The following TTC23L variants were observed in gnomAD, a reference collection of about 807,000 sequenced individuals.
TTC23L encodes tetratricopeptide repeat domain 23 like, also known as tetratricopeptide repeat protein 23-like.
A neutral mutation model predicts 48.1 loss-of-function variants in TTC23L; 42 were observed. That is an observed-to-expected ratio of 0.87 (90% CI 0.68 to 1.13). The LOEUF is 1.13. Ranked by LOEUF, TTC23L falls within the 50% of genes most tolerant of loss-of-function variation. The probability of loss-of-function intolerance (pLI) is 0.00; values close to 1 mark genes in which losing one functional copy is unlikely to be tolerated. For missense variants in TTC23L, 391 were observed against 421.0 expected, an observed-to-expected ratio of 0.93 and a Z score of 0.62; for synonymous variants, 159 against 157.2, an observed-to-expected ratio of 1.01 and a Z score of -0.09.
In TTC23L at chr5:34,853,025, A is replaced by T. The variant is rs142527596; in HGVS notation, c.379+2717A>T. On this transcript the variant is annotated intron_variant, in intron 4 of 10. Coordinates refer to ENST00000505624, the Ensembl canonical transcript of TTC23L. Reference sequence around the variant, plus strand: ...TGTGATTGAATTACCTCCCACTGGGACCCTCCCATGACACGTGGGGATTAT... The same window carrying T: ...TGTGATTGAATTACCTCCCACTGGGTCCCTCCCATGACACGTGGGGATTAT... Among the ~76,000 whole-genome samples the T allele has an allele frequency of 9.5e-3, 1,447 of 152,084 alleles. 23 individuals are homozygous for T. The highest frequency in any genetic ancestry group is 0.034 in the African/African-American group (1,403 of 41,484).
chr5:34,909,369 A>T, the TTC23L span: 1 of 1,530,364 alleles, frequency 6.5e-7, no homozygotes, highest in Non-Finnish European at 9.0e-7. Context: ...ATAGAAAATG[A>T]TTACCTCATT....
the TTC23L span, chr5:34,914,939 C>A: frequency 6.2e-7 from 1 of 1,603,810 alleles, no homozygotes. Flanking sequence ...GGGCCAACAA[C>A]TTCTCGGCGG....
At chr5:34,877,726 C>T (rs1330099813) in intron 8 of TTC23L, among the ~76,000 whole-genome samples, 2 of 152,096 alleles carry the variant, frequency 1.3e-5, no homozygotes, top group East Asian at 1.9e-4. Context: ...GCCCAGCCAA[C>T]ACCATTATTC....
intron 8 of TTC23L, among the ~76,000 whole-genome samples, chr5:34,878,651 G>A (rs575300683): frequency 6.6e-6 from 1 of 152,306 alleles, no homozygotes; most frequent in East Asian, 1.9e-4. Context: ...TCATCTTACT[G>A]TAGTCACAGT....
the TTC23L span, chr5:34,923,140 G>A: frequency 2.5e-6 from 4 of 1,612,844 alleles, no homozygotes; most frequent in African/African-American, 2.7e-5. Context: ...TAGATCTTTA[G>A]TACACCACGG....
chr5:34,871,684 G>A (rs993224438), intron 8 of TTC23L, among the ~76,000 whole-genome samples: 1 of 152,150 alleles, frequency 6.6e-6, no homozygotes, highest in Non-Finnish European at 1.5e-5. Flanking sequence ...GTGGTATATT[G>A]GTGGAGGGAC....
At chr5:34,925,330 A>T in the TTC23L span, 1 of 1,613,884 alleles carries the variant, frequency 6.2e-7, no homozygotes, top group Non-Finnish European at 8.5e-7. Flanking sequence ...CTCTTCTTCC[A>T]CATGATCCCA....
chr5:34,912,163 G>A, the TTC23L span, among the ~76,000 whole-genome samples: 1 of 152,200 alleles, frequency 6.6e-6, no homozygotes, highest in Non-Finnish European at 1.5e-5. Flanking sequence ...CTGCAGAACA[G>A]GGTATGCTAT....
chr5:34,869,169 A>T (rs1761269884), intron 8 of TTC23L, 156 bp downstream of exon 8: 1 of 587,646 alleles, frequency 1.7e-6, no homozygotes, highest in South Asian at 2.0e-5. Flanking sequence ...ACATTAATTT[A>T]AACCTGATAA....
At position 34,863,077 on chromosome 5, in the gene TTC23L, G is replaced by T. The variant is rs753393310; in HGVS notation, c.536+23G>T. The T allele has an allele frequency of 6.2e-7, 1 of 1,613,186 alleles. No homozygotes were observed. Among genetic ancestry groups the T allele is most frequent in the Non-Finnish European group, 8.5e-7 (1 of 1,179,388 alleles). ...CCGATATCCTTCCATTCCTAGCTGC[G>T]TTTAGTGTTCGGGGCCACAGGCCAC... is the stretch of plus-strand genomic sequence containing the variant. On this transcript the variant is annotated intron_variant, in intron 5 of 10. Coordinates refer to ENST00000505624, the Ensembl canonical transcript of TTC23L. The surrounding 1 kb of genome is among the most constrained non-coding windows in gnomAD (Gnocchi z 4.1).
exon 7 of TTC23L, chr5:34,867,016 C>G: frequency 1.2e-6 from 2 of 1,612,002 alleles, no homozygotes; most frequent in Non-Finnish European, 1.7e-6. Context: ...GGAAGCTGCT[C>G]AGATAGAGCA....
intron 3 of TTC23L, among the ~76,000 whole-genome samples, chr5:34,848,812 C>T (rs1443955279): frequency 6.6e-6 from 1 of 152,012 alleles, no homozygotes. Context: ...AGGTGATTGG[C>T]ATTGGGTCAG....
chr5:34,890,815 C>G (rs760176042), intron 9 of TTC23L, among the ~76,000 whole-genome samples: 2 of 152,098 alleles, frequency 1.3e-5, no homozygotes, highest in Admixed American at 6.6e-5. Flanking sequence ...CTGTGTTGCC[C>G]GGGCTGGTCC....
chr5:34,872,077 A>T (rs1479477780), intron 8 of TTC23L, among the ~76,000 whole-genome samples: 2 of 151,912 alleles, frequency 1.3e-5, no homozygotes, highest in Non-Finnish European at 2.9e-5. Flanking sequence ...CAGGAATTTT[A>T]TACTGGCTTG....
intron 4 of TTC23L, among the ~76,000 whole-genome samples, chr5:34,852,557 A>T (rs1014708659): frequency 3.9e-5 from 6 of 152,160 alleles, no homozygotes; most frequent in Admixed American, 1.3e-4. Flanking sequence ...CCCAGATGAG[A>T]GTCGATGAGG....
At chr5:34,840,238 G>T (rs1308464406) in intron 1 of TTC23L, among the ~76,000 whole-genome samples, 1 of 31,990 alleles carries the variant, frequency 3.1e-5, no homozygotes, top group Non-Finnish European at 7.2e-5. Flanking sequence ...AAATGACCCC[G>T]GGGGGGGGGG....
chr5:34,840,723 G>A (rs1224966865), exon 2 of TTC23L: 1 of 1,613,776 alleles, frequency 6.2e-7, no homozygotes, highest in Non-Finnish European at 8.5e-7. Flanking sequence ...CATCGACTGG[G>A]ATTTCTGCTT....
intron 9 of TTC23L, among the ~76,000 whole-genome samples, chr5:34,887,957 T>C (rs558272526): frequency 9.3e-4 from 142 of 152,366 alleles, no homozygotes; most frequent in African/African-American, 3.3e-3. Flanking sequence ...TTTGTTGGCA[T>C]GTGCAGTAGA....
chr5:34,920,015 A>G, the TTC23L span: 8 of 491,874 alleles, frequency 1.6e-5, no homozygotes, highest in Non-Finnish European at 2.6e-5. Context: ...TAACTCTTCA[A>G]TAACTGGTCT....
Sources: gnomAD v4.1 joint callset for allele counts (sites outside exome capture counted in the v4.1 genomes callset) on GRCh38, gnomAD v4.1.1 for gene constraint, Gnocchi (gnomAD v3.1) non-coding constraint, MANE v1.5 for transcripts, NCBI Gene and HGNC (gene_info 2026-07-23, HGNC 2026-07-21) for gene names.